Variants in ATG10 observed in about 807,000 individuals in gnomAD.
The protein encoded by ATG10 is autophagy related 10.
A neutral mutation model predicts 32.1 loss-of-function variants in ATG10; 30 were observed. That is an observed-to-expected ratio of 0.94 (90% CI 0.70 to 1.27). The LOEUF is 1.27. ATG10 is among the 50% of genes most tolerant of loss of function. The pLI is 0.00. For synonymous variants in ATG10, 87 were observed against 91.5 expected, an observed-to-expected ratio of 0.95 and a Z score of 0.28; for missense variants, 233 against 262.3, an observed-to-expected ratio of 0.89 and a Z score of 0.77.
intron 3 of ATG10, among the ~76,000 whole-genome samples, chr5:82,136,772 G>A (rs1230930311): frequency 6.6e-6 from 1 of 152,100 alleles, no homozygotes; most frequent in Non-Finnish European, 1.5e-5. Context: ...TGCTAGGTTG[G>A]GGACGTTCTC....
intron 3 of ATG10, among the ~76,000 whole-genome samples, chr5:82,065,583 C>T (rs1763918122): frequency 6.6e-6 from 1 of 151,646 alleles, no homozygotes; most frequent in Non-Finnish European, 1.5e-5. Context: ...CACTTATTTT[C>T]ATAAATGGGT....
At chr5:82,232,489 G>A (rs1746400999) in intron 5 of ATG10, among the ~76,000 whole-genome samples, 1 of 152,122 alleles carries the variant, frequency 6.6e-6, no homozygotes, top group African/African-American at 2.4e-5. Context: ...CTACAAAATG[G>A]GAAGAATACC....
intron 2 of ATG10, among the ~76,000 whole-genome samples, chr5:82,009,190 T>C (rs1366797681): frequency 1.3e-5 from 2 of 152,168 alleles, no homozygotes; most frequent in Non-Finnish European, 2.9e-5. Context: ...ACACTGCTGA[T>C]GTTTGTTTCA....
intron 3 of ATG10, among the ~76,000 whole-genome samples, chr5:82,059,431 A>G (rs927230048): frequency 8.6e-5 from 13 of 150,684 alleles, no homozygotes; most frequent in African/African-American, 4.9e-5. Context: ...TGCAATGAAC[A>G]AGTATATCAT....
At chr5:81,993,131 T>TGTAA (rs141408549) in intron 2 of ATG10, among the ~76,000 whole-genome samples, 1,873 of 152,264 alleles carry the variant, frequency 0.012, 30 homozygotes, top group African/African-American at 0.042. Context: ...AAATACCTTC[T>TGTAA]TTACCATTTA....
intron 3 of ATG10, among the ~76,000 whole-genome samples, chr5:82,127,587 T>G (rs920784471): frequency 6.6e-6 from 1 of 152,130 alleles, no homozygotes. Flanking sequence ...CATGCAGTTG[T>G]GCGGTTTTGA....
intron 2 of ATG10, among the ~76,000 whole-genome samples, chr5:82,008,863 A>G (rs1346930476): frequency 6.6e-6 from 1 of 152,226 alleles, no homozygotes; most frequent in Non-Finnish European, 1.5e-5. Context: ...TTATTTGTTT[A>G]TTACATTTAT....
At chr5:82,095,998 T>A (rs552287401) in intron 3 of ATG10, among the ~76,000 whole-genome samples, 1 of 152,350 alleles carries the variant, frequency 6.6e-6, no homozygotes. Context: ...GCAGGCAGTC[T>A]ATCAGCTTCT....
chr5:82,082,998 A>C (rs987885619), intron 3 of ATG10, among the ~76,000 whole-genome samples: 1 of 152,196 alleles, frequency 6.6e-6, no homozygotes, highest in Non-Finnish European at 1.5e-5. Context: ...GGGGCTTGTC[A>C]GACAGTGGGT....
chr5:82,146,643 C>T (rs1304382496), intron 3 of ATG10, among the ~76,000 whole-genome samples: 4 of 150,636 alleles, frequency 2.7e-5, no homozygotes, highest in African/African-American at 4.9e-5. Flanking sequence ...TCAGATTGGA[C>T]GACTTCATTT....
chr5:82,002,704 A>G (rs1352033799), intron 2 of ATG10, among the ~76,000 whole-genome samples: 4 of 152,148 alleles, frequency 2.6e-5, no homozygotes, highest in Non-Finnish European at 5.9e-5. Flanking sequence ...TGTGCTTATA[A>G]CCTGGGTGAT....
intron 3 of ATG10, among the ~76,000 whole-genome samples, chr5:82,145,678 G>A (rs1414008687): frequency 6.6e-6 from 1 of 151,190 alleles, no homozygotes; most frequent in East Asian, 1.9e-4. Flanking sequence ...ACTGTCACAT[G>A]CATTTTTTAA....
chr5:82,017,847 C>T (rs559674272), intron 2 of ATG10, among the ~76,000 whole-genome samples: 1 of 152,200 alleles, frequency 6.6e-6, no homozygotes, highest in South Asian at 2.1e-4. Flanking sequence ...TGTCCTTACT[C>T]TCTTAGTTCA....
intron 2 of ATG10, among the ~76,000 whole-genome samples, chr5:82,041,781 T>G (rs1326374490): frequency 6.6e-6 from 1 of 152,136 alleles, no homozygotes; most frequent in African/African-American, 2.4e-5. Context: ...CACAGCTCAC[T>G]ATGCTCTATT....
At chr5:82,125,163 T>C (rs1766214618) in intron 3 of ATG10, among the ~76,000 whole-genome samples, 1 of 152,208 alleles carries the variant, frequency 6.6e-6, no homozygotes, top group Non-Finnish European at 1.5e-5. Flanking sequence ...TTTGTTTAAG[T>C]TCTTTGTAGA....
Position 81,982,706 on chromosome 5 carries a change from TGCG to T in ATG10, c.-12-4850_-12-4848del, listed in dbSNP as rs1761089950. On this transcript the variant is annotated intron_variant, in intron 1 of 7. Coordinates refer to ENST00000282185, the MANE Select transcript of ATG10 (RefSeq NM_031482.5). ...TCTGGTTTTCCTAGGCAGAGGACCC[TGCG>T]GCCTTCCGCAGTGTTTGTGTCCCTG... Among the ~76,000 whole-genome samples the T allele has an allele frequency of 4.6e-5, 7 of 152,328 alleles. No homozygotes were observed. In the South Asian group the frequency reaches 1.2e-3, roughly 27 times the overall value.
intron 5 of ATG10, among the ~76,000 whole-genome samples, chr5:82,226,752 A>G (rs1454181994): frequency 6.6e-6 from 1 of 152,218 alleles, no homozygotes; most frequent in Non-Finnish European, 1.5e-5. Flanking sequence ...TTTTGAAGGG[A>G]GCATTTTATG....
intron 5 of ATG10, among the ~76,000 whole-genome samples, chr5:82,219,371 C>T (rs990047269): frequency 3.3e-5 from 5 of 152,154 alleles, no homozygotes; most frequent in African/African-American, 9.7e-5. Context: ...GCTAGGATGG[C>T]GGTTCCACTG....
intron 2 of ATG10, among the ~76,000 whole-genome samples, chr5:82,014,346 C>T (rs1331998703): frequency 2.0e-5 from 3 of 152,076 alleles, no homozygotes; most frequent in Non-Finnish European, 4.4e-5. Flanking sequence ...CTATTAGGTC[C>T]ACTTGGTGCA....
Sources: gnomAD v4.1 joint callset for allele counts (sites outside exome capture counted in the v4.1 genomes callset) on GRCh38, gnomAD v4.1.1 for gene constraint, MANE v1.5 for transcripts, NCBI Gene and HGNC (gene_info 2026-07-23, HGNC 2026-07-21) for gene names.